BFSP2: variants seen among roughly 807,000 people sequenced by gnomAD.
BFSP2 encodes beaded filament structural protein 2, also known as phakinin.
BFSP2 carries 38 observed loss-of-function variants against 44.9 expected under a neutral mutation model. The observed-to-expected ratio is 0.85, with a 90% CI of 0.65 to 1.11. The LOEUF (loss-of-function observed/expected upper bound fraction) is 1.11, where lower values mean the gene tolerates loss of function less well. Ranked by LOEUF, BFSP2 falls within the 50% of genes least tolerant of loss-of-function variation. The pLI is 0.00. For missense variants in BFSP2, 525 were observed against 533.0 expected, an observed-to-expected ratio of 0.99 and a Z score of 0.15; for synonymous variants, 197 against 209.9, an observed-to-expected ratio of 0.94 and a Z score of 0.53.
At chr3:133,429,379 T>G (rs9877839) in intron 1 of BFSP2, 126,285 of 152,238 alleles carry the variant, frequency 0.83, 52,543 homozygotes, top group Middle Eastern at 0.93. Context: ...GGAGGCCCAG[T>G]GAAGAGGTGA....
chr3:133,465,680 T>C (rs995084557), intron 4 of BFSP2, among the ~76,000 whole-genome samples: 2 of 152,218 alleles, frequency 1.3e-5, no homozygotes, highest in African/African-American at 4.8e-5. Context: ...CACTATCAGA[T>C]TGACAGAGAT....
chr3:133,417,677 TCTCTA>T (rs2073553662), intron 1 of BFSP2, among the ~76,000 whole-genome samples: 1 of 100,554 alleles, frequency 9.9e-6, no homozygotes, highest in African/African-American at 4.1e-5. Flanking sequence ...TGCCCTCTCC[TCTCTA>T]CTCAACCCTG....
chr3:133,418,116 TTCTACTCACCCCTGTCCTCTCCCC>T (rs1159413514), intron 1 of BFSP2, among the ~76,000 whole-genome samples: 33 of 59,544 alleles, frequency 5.5e-4, no homozygotes, highest in South Asian at 2.2e-3. Context: ...GCCCTCTACC[TTCTACTCACCCCTGTCCTCTCCCC>T]TCTACTCACC....
At chr3:133,455,555 T>C (rs190007058) in intron 4 of BFSP2, 20 of 152,354 alleles carry the variant, frequency 1.3e-4, no homozygotes, top group Admixed American at 1.2e-3. Context: ...TCAGCTCAGA[T>C]TTAGCTGATT....
chr3:133,449,835 G>A (rs2073940036), intron 3 of BFSP2, among the ~76,000 whole-genome samples: 3 of 151,814 alleles, frequency 2.0e-5, no homozygotes, highest in Admixed American at 1.3e-4. Flanking sequence ...GCTGCAATGA[G>A]CTGAGATCAT....
intron 4 of BFSP2, among the ~76,000 whole-genome samples, chr3:133,460,858 T>C (rs548160962): frequency 6.6e-5 from 10 of 152,380 alleles, no homozygotes; most frequent in Non-Finnish European, 1.3e-4. Flanking sequence ...AATGCTCATA[T>C]AAAGCAATTG....
intron 1 of BFSP2, among the ~76,000 whole-genome samples, chr3:133,407,670 G>A (rs1306562037): frequency 6.6e-6 from 1 of 151,882 alleles, no homozygotes; most frequent in African/African-American, 2.4e-5. Context: ...GTTTAGCGTT[G>A]GCACAAAAAA....
chr3:133,440,855 C>T (rs1194721194), intron 1 of BFSP2, among the ~76,000 whole-genome samples: 2 of 152,138 alleles, frequency 1.3e-5, no homozygotes, highest in Non-Finnish European at 2.9e-5. Flanking sequence ...GGTTTATTTA[C>T]AGTACAGGCT....
intron 1 of BFSP2, among the ~76,000 whole-genome samples, chr3:133,440,598 G>A (rs550060052): frequency 1.4e-4 from 21 of 152,222 alleles, no homozygotes; most frequent in Middle Eastern, 3.4e-3. Flanking sequence ...TATTTCTGAG[G>A]TTGCTGGAGG....
chr3:133,458,271 A>T (rs905855246), intron 4 of BFSP2, among the ~76,000 whole-genome samples: 6 of 152,254 alleles, frequency 3.9e-5, no homozygotes, highest in Non-Finnish European at 1.5e-5. Context: ...AGTAGCATAT[A>T]CCAGTTGGTG....
chr3:133,418,258 C>T (rs1449524803), intron 1 of BFSP2, among the ~76,000 whole-genome samples: 1 of 152,122 alleles, frequency 6.6e-6, no homozygotes, highest in Non-Finnish European at 1.5e-5. Flanking sequence ...TCATTTTCAT[C>T]ATCTTCATTC....
intron 1 of BFSP2, among the ~76,000 whole-genome samples, chr3:133,425,584 G>C (rs936321495): frequency 6.6e-6 from 1 of 152,098 alleles, no homozygotes; most frequent in Admixed American, 6.5e-5. Flanking sequence ...TCAGGAAATA[G>C]AATGTCCAGT....
At chr3:133,409,537 T>C (rs911731621) in intron 1 of BFSP2, among the ~76,000 whole-genome samples, 1 of 152,114 alleles carries the variant, frequency 6.6e-6, no homozygotes. Context: ...CTAACAACCA[T>C]CTTTCACTAA....
chr3:133,445,044 A>G (rs1336729552), intron 1 of BFSP2, among the ~76,000 whole-genome samples: 2 of 152,198 alleles, frequency 1.3e-5, no homozygotes. Context: ...CTCCTACAGT[A>G]GCGGCTGGTT....
At chr3:133,443,360 A>T (rs904029897) in intron 1 of BFSP2, among the ~76,000 whole-genome samples, 1 of 152,094 alleles carries the variant, frequency 6.6e-6, no homozygotes, top group East Asian at 1.9e-4. Context: ...TTTAGTGATT[A>T]AAAAAAAGAA....
intron 1 of BFSP2, among the ~76,000 whole-genome samples, chr3:133,424,216 T>TGTGTGTGTGTGTGTG (rs1559963358): frequency 3.4e-4 from 17 of 49,414 alleles, no homozygotes; most frequent in African/African-American, 3.0e-3. Flanking sequence ...CAGCTAATTT[T>TGTGTGTGTGTGTGTG]TTTTTTTTTT....
intron 4 of BFSP2, among the ~76,000 whole-genome samples, chr3:133,453,573 A>C (rs1011654173): frequency 3.9e-5 from 6 of 152,198 alleles, no homozygotes; most frequent in Admixed American, 3.3e-4. Flanking sequence ...CGTGTAAACC[A>C]AGAAGAATTG....
At chr3:133,456,836 G>A (rs2074017227) in intron 4 of BFSP2, among the ~76,000 whole-genome samples, 1 of 152,146 alleles carries the variant, frequency 6.6e-6, no homozygotes, top group African/African-American at 2.4e-5. Flanking sequence ...ACTAGTGACT[G>A]CTCTATTAGA....
intron 5 of BFSP2, among the ~76,000 whole-genome samples, chr3:133,468,751 C>A (rs956327652): frequency 4.5e-4 from 68 of 152,144 alleles, no homozygotes; most frequent in African/African-American, 1.6e-3. Context: ...CTAGATTCAA[C>A]AGGGAGAGAA....
Sources: allele counts gnomAD v4.1 joint callset (sites outside exome capture counted in the v4.1 genomes callset), GRCh38; gene constraint gnomAD v4.1.1; transcripts MANE v1.5; gene names NCBI Gene and HGNC (gene_info 2026-07-23, HGNC 2026-07-21).